Variants in VPS35L observed in about 807,000 individuals in gnomAD.
VPS35L encodes VPS35 endosomal protein-sorting factor-like.
A neutral mutation model predicts 133.0 loss-of-function variants in VPS35L; 83 were observed. The observed-to-expected ratio is 0.62, with a 90% CI of 0.52 to 0.75. The LOEUF is 0.75. Ranked by LOEUF, VPS35L falls within the 30% of genes least tolerant of loss-of-function variation. The pLI is 0.00. For synonymous variants in VPS35L, 423 were observed against 449.9 expected (o/e 0.94, Z 0.76); for missense variants, 1,083 against 1,206.8 (o/e 0.90, Z 1.52).
chr16:19,607,983 A>G (rs1972586905), intron 9 of VPS35L, 195 bp from the exon 10 acceptor site: 1 of 576,688 alleles, frequency 1.7e-6, no homozygotes, highest in Non-Finnish European at 3.1e-6. Flanking sequence ...ACTGCGAACG[A>G]CACTTGGCAC....
At chr16:19,599,678 T>C (rs1972322397) in intron 8 of VPS35L, among the ~76,000 whole-genome samples, 2 of 152,110 alleles carry the variant, frequency 1.3e-5, no homozygotes, top group African/African-American at 4.8e-5. Flanking sequence ...AAAATATTCT[T>C]TTCCAGTAGC....
chr16:19,607,457 C>T (rs1400764126), intron 9 of VPS35L, among the ~76,000 whole-genome samples: 1 of 152,158 alleles, frequency 6.6e-6, no homozygotes, highest in Non-Finnish European at 1.5e-5. Flanking sequence ...CCCACGTGAC[C>T]ACACCTAGCT....
At chr16:19,646,681 A>T (rs1973961285) in intron 23 of VPS35L, among the ~76,000 whole-genome samples, 1 of 148,462 alleles carries the variant, frequency 6.7e-6, no homozygotes, top group Non-Finnish European at 1.5e-5. Context: ...AAAAAAAAAG[A>T]AATCACACAG....
At chr16:19,580,261 G>A (rs1306868550) in intron 6 of VPS35L, among the ~76,000 whole-genome samples, 1 of 150,460 alleles carries the variant, frequency 6.6e-6, no homozygotes, top group Admixed American at 6.7e-5. Context: ...TTACAGGCAC[G>A]CGCCACCGTG....
At chr16:19,675,250 CTT>C (rs61213469) in intron 27 of VPS35L, among the ~76,000 whole-genome samples, 32,124 of 140,990 alleles carry the variant, frequency 0.23, 3,836 homozygotes, top group Non-Finnish European at 0.28. Flanking sequence ...TGCACCCAGT[CTT>C]TTTTTTTTTT....
intron 11 of VPS35L, among the ~76,000 whole-genome samples, 183 bp downstream of exon 11, chr16:19,609,204 A>G (rs1972630090): frequency 6.6e-6 from 1 of 152,184 alleles, no homozygotes; most frequent in African/African-American, 2.4e-5. Flanking sequence ...ACACCATCCT[A>G]ATCCCCATAT....
chr16:19,563,766 T>C (rs527706826), intron 1 of VPS35L, among the ~76,000 whole-genome samples: 1 of 152,346 alleles, frequency 6.6e-6, no homozygotes, highest in Admixed American at 6.5e-5. Context: ...AATGGGCGAA[T>C]ACCTTGAGGG....
chr16:19,686,289 A>G (rs973588956), intron 28 of VPS35L, among the ~76,000 whole-genome samples: 1 of 152,108 alleles, frequency 6.6e-6, no homozygotes, highest in African/African-American at 2.4e-5. Flanking sequence ...TAATTTCTGC[A>G]TTTTTGGAGG....
intron 3 of VPS35L, among the ~76,000 whole-genome samples, chr16:19,570,880 TATATA>T (rs1971357410): frequency 1.1e-5 from 1 of 87,690 alleles, no homozygotes; most frequent in African/African-American, 4.7e-5. Flanking sequence ...TATATATATA[TATATA>T]TATATTTTTG....
intron 17 of VPS35L, 81 bp downstream of exon 17, chr16:19,628,834 C>A: frequency 1.7e-6 from 1 of 604,876 alleles, no homozygotes; most frequent in Non-Finnish European, 2.3e-6. Context: ...CTCTGTCGCC[C>A]AGGCTAGAGT....
intron 28 of VPS35L, among the ~76,000 whole-genome samples, chr16:19,687,683 C>T (rs1975509883): frequency 1.3e-5 from 2 of 151,926 alleles, no homozygotes; most frequent in Non-Finnish European, 2.9e-5. Flanking sequence ...TATTCTTAGG[C>T]AATATGCCTG....
At chr16:19,572,737 C>T (rs571085569) in intron 3 of VPS35L, among the ~76,000 whole-genome samples, 2 of 152,166 alleles carry the variant, frequency 1.3e-5, no homozygotes, top group South Asian at 4.1e-4. Context: ...GACTGGAGTG[C>T]AGTGGTACAA....
intron 1 of VPS35L, among the ~76,000 whole-genome samples, chr16:19,559,989 C>T (rs1970977037): frequency 6.6e-6 from 1 of 152,160 alleles, no homozygotes; most frequent in South Asian, 2.1e-4. Context: ...AGGCGTGAGC[C>T]ACTGCGCCCG....
intron 2 of VPS35L, among the ~76,000 whole-genome samples, chr16:19,565,702 G>A (rs1292581994): frequency 6.6e-6 from 1 of 151,878 alleles, no homozygotes; most frequent in Non-Finnish European, 1.5e-5. Flanking sequence ...TTGTAATATT[G>A]GCCTCACCTA....
intron 5 of VPS35L, 63 bp from the exon 6 acceptor site, chr16:19,578,989 C>G: frequency 7.5e-7 from 1 of 1,330,030 alleles, no homozygotes; most frequent in Non-Finnish European, 1.1e-6. Flanking sequence ...TGAAAGATGC[C>G]TCCACTGGGG....
intron 8 of VPS35L, among the ~76,000 whole-genome samples, chr16:19,600,023 G>A (rs1972331287): frequency 6.6e-6 from 1 of 152,178 alleles, no homozygotes; most frequent in Non-Finnish European, 1.5e-5. Flanking sequence ...CCTGGTGCCA[G>A]AGTGAGACCC....
At chr16:19,691,619 C>T (rs1975690302) in intron 29 of VPS35L, 148 bp downstream of exon 29, 1 of 604,018 alleles carries the variant, frequency 1.7e-6, no homozygotes, top group Non-Finnish European at 3.0e-6. Context: ...GCTTTGGGGC[C>T]TTCGCTCCTG....
chr16:19,569,477 G>A lies in VPS35L; in HGVS notation c.171G>A (p.Thr57=), dbSNP rs760821274. The change falls in exon 3 of 31, where the codon ACG becomes ACA. Residue 57 remains threonine (T), a synonymous_variant. Transcript: ENST00000417362. ...KVNRKGSTSS[T]SSSSSSSVVD... is the part of the protein sequence containing the mutation. ...ACCGGAAAGGAAGCACTTCTTCCAC[G>A]TCCTCCTCCTCCTCCAGCTCCGTGG... The A allele has an allele frequency of 8.1e-6, 13 of 1,607,386 alleles. No homozygotes were observed. Among genetic ancestry groups the A allele is most frequent in the Admixed American group, 3.4e-5 (2 of 59,096 alleles).
At chr16:19,564,998 A>G in intron 2 of VPS35L, 48 bp downstream of exon 2, 1 of 1,383,958 alleles carries the variant, frequency 7.2e-7, no homozygotes, top group South Asian at 1.2e-5. Flanking sequence ...ATCCCTTGAA[A>G]TGAAAGACAA....
Sources: gnomAD v4.1 joint callset for allele counts (sites outside exome capture counted in the v4.1 genomes callset) on GRCh38, gnomAD v4.1.1 for gene constraint, MANE v1.5 for transcripts, NCBI Gene and HGNC (gene_info 2026-07-23, HGNC 2026-07-21) for gene names.